Variants in NR2C1 observed in about 807,000 individuals in gnomAD.
NR2C1 encodes TR2 nuclear hormone receptor.
Under a neutral mutation model 74.8 loss-of-function variants are expected in NR2C1, and 33 were observed. The ratio of observed to expected loss-of-function variants is 0.44; its 90% confidence interval spans 0.33 to 0.59. The LOEUF (loss-of-function observed/expected upper bound fraction) is 0.59, where lower values mean the gene tolerates loss of function less well. NR2C1 is among the 20% of genes least tolerant of loss of function. The pLI, the probability that NR2C1 is intolerant of heterozygous loss-of-function variation, is 0.02. For missense variants in NR2C1, 568 were observed against 715.6 expected, an observed-to-expected ratio of 0.79 and a Z score of 2.35; for synonymous variants, 225 against 240.6, an observed-to-expected ratio of 0.94 and a Z score of 0.60.
At chr12:95,057,937 G>T in intron 5 of NR2C1, 59 bp from the exon 6 acceptor site, 2 of 1,457,918 alleles carry the variant, frequency 1.4e-6, no homozygotes, top group East Asian at 2.3e-5. Flanking sequence ...AATTAGAAAT[G>T]TAAGCTGTAG....
chr12:95,035,136 T>C (rs1870659004), intron 10 of NR2C1, among the ~76,000 whole-genome samples: 1 of 152,118 alleles, frequency 6.6e-6, no homozygotes, highest in Non-Finnish European at 1.5e-5. Context: ...TGTACTAACA[T>C]AGGAAGAAGT....
intron 10 of NR2C1, among the ~76,000 whole-genome samples, chr12:95,034,899 A>C (rs1870619346): frequency 1.3e-5 from 2 of 151,874 alleles, no homozygotes; most frequent in Admixed American, 1.3e-4. Context: ...CATTTCTCAG[A>C]TTACATAGCC....
At chr12:95,029,862 C>G (rs565340966) in intron 11 of NR2C1, among the ~76,000 whole-genome samples, 5 of 152,134 alleles carry the variant, frequency 3.3e-5, no homozygotes, top group African/African-American at 1.2e-4. Context: ...CAACACCCCC[C>G]TCCCCACCCT....
At chr12:95,056,232 G>A (rs1043056074) in intron 7 of NR2C1, among the ~76,000 whole-genome samples, 8 of 152,024 alleles carry the variant, frequency 5.3e-5, no homozygotes, top group African/African-American at 7.2e-5. Flanking sequence ...TGCCACCACC[G>A]TACCCCCAGC....
At chr12:95,028,366 A>G (rs1303995900) in intron 12 of NR2C1, 21 bp downstream of exon 12, 1 of 1,589,000 alleles carries the variant, frequency 6.3e-7, no homozygotes, top group Non-Finnish European at 8.6e-7. Flanking sequence ...TATTTTGAAT[A>G]AAAAGTAAAT....
chr12:95,032,678 T>A (rs1392818172), intron 10 of NR2C1, among the ~76,000 whole-genome samples: 1 of 151,788 alleles, frequency 6.6e-6, no homozygotes, highest in Admixed American at 6.6e-5. Flanking sequence ...AAGGTAAGAA[T>A]TAGCTGGGGC....
intron 10 of NR2C1, among the ~76,000 whole-genome samples, chr12:95,034,157 GCTAATA>G (rs1474526629): frequency 1.3e-5 from 2 of 152,010 alleles, no homozygotes; most frequent in African/African-American, 4.8e-5. Context: ...TGCAACAAAT[GCTAATA>G]CTGTCAACTC....
chr12:95,057,952 G>C (rs2136178012), intron 5 of NR2C1, 74 bp from the exon 6 acceptor site: 1 of 1,237,448 alleles, frequency 8.1e-7, no homozygotes, highest in South Asian at 1.3e-5. Flanking sequence ...CTGTAGGTAA[G>C]CTTAATGCTG....
intron 3 of NR2C1, among the ~76,000 whole-genome samples, chr12:95,060,203 T>C (rs1385049339): frequency 1.3e-5 from 2 of 152,120 alleles, no homozygotes; most frequent in African/African-American, 2.4e-5. Flanking sequence ...AAGAGATAAC[T>C]CTAAACCTTT....
At chr12:95,049,930 G>A (rs892431130) in intron 8 of NR2C1, among the ~76,000 whole-genome samples, 3 of 152,126 alleles carry the variant, frequency 2.0e-5, no homozygotes, top group Admixed American at 6.6e-5. Context: ...CTCCCGAGCA[G>A]CTGGGACTAC....
At chr12:95,052,126 G>GT (rs1282570006) in intron 7 of NR2C1, among the ~76,000 whole-genome samples, 183 bp from the exon 8 acceptor site, 1 of 151,186 alleles carries the variant, frequency 6.6e-6, no homozygotes, top group East Asian at 1.9e-4. Flanking sequence ...AACATCAAGT[G>GT]TATTTCTTAA....
At chr12:95,071,293 G>A (rs974566825) in intron 1 of NR2C1, among the ~76,000 whole-genome samples, 2 of 152,030 alleles carry the variant, frequency 1.3e-5, no homozygotes, top group African/African-American at 2.4e-5. Context: ...AAGGTTGTTA[G>A]CTAGGATTCA....
chr12:95,067,878 C>CTTTTTTTT (rs35730526), intron 1 of NR2C1, among the ~76,000 whole-genome samples: 1 of 110,026 alleles, frequency 9.1e-6, no homozygotes, highest in Non-Finnish European at 1.8e-5. Flanking sequence ...CTCCATGTAT[C>CTTTTTTTT]TTTTTTTTTT....
intron 11 of NR2C1, chr12:95,030,994 A>C: frequency 1.2e-6 from 1 of 820,840 alleles, no homozygotes; most frequent in Non-Finnish European, 1.9e-6. Flanking sequence ...AAAGGGCTAT[A>C]ATAAAGAAAG....
intron 1 of NR2C1, among the ~76,000 whole-genome samples, chr12:95,069,012 G>A (rs1002000751): frequency 3.9e-5 from 6 of 151,900 alleles, no homozygotes; most frequent in Admixed American, 2.0e-4. Flanking sequence ...GGACACATAA[G>A]AAAGAAAATG....
At chr12:95,058,024 T>C (rs1874182234) in intron 5 of NR2C1, 146 bp from the exon 6 acceptor site, 3 of 793,612 alleles carry the variant, frequency 3.8e-6, no homozygotes, top group Admixed American at 2.9e-5. Context: ...TTAGAAATTA[T>C]GTGCAAGTTC....
chr12:95,041,870 T>C (rs1871580543), intron 9 of NR2C1, among the ~76,000 whole-genome samples: 1 of 152,204 alleles, frequency 6.6e-6, no homozygotes, highest in Non-Finnish European at 1.5e-5. Context: ...GCTCTACATC[T>C]AACAATGAAA....
rs1410570337 is a variant in NR2C1 at position 95,021,986 on chromosome 12, A to C, written c.*243T>G. On this transcript the variant is annotated 3_prime_UTR_variant, in exon 14 of 14. Coordinates refer to ENST00000333003, the MANE Select transcript of NR2C1 (RefSeq NM_003297.4). ...GGTGACAGCTTCAGGTATCATCTTC[A>C]CCAAGAATAAATTTGTAGTGTTTCA... The C allele has an allele frequency of 1.3e-5, 4 of 312,074 alleles. No homozygotes were observed. The highest frequency in any genetic ancestry group is 1.7e-5 in the Non-Finnish European group (3 of 172,478). 19.3% of individuals were successfully genotyped at this position (312,074 alleles called of 1,614,324 possible). A position where few individuals can be genotyped will look rare whatever the true frequency, so the allele number is the denominator to read the frequency against.
chr12:95,046,681 ACATAGAAATG>A (rs772835035), intron 9 of NR2C1, among the ~76,000 whole-genome samples: 2 of 152,216 alleles, frequency 1.3e-5, no homozygotes, highest in Admixed American at 6.5e-5. Context: ...ACTACAGTGT[ACATAGAAATG>A]CAACAGAGGA....
Sources: allele counts gnomAD v4.1 joint callset (sites outside exome capture counted in the v4.1 genomes callset), GRCh38; gene constraint gnomAD v4.1.1; transcripts MANE v1.5; gene names NCBI Gene and HGNC (gene_info 2026-07-23, HGNC 2026-07-21).